Variants in STK3 observed in about 807,000 individuals in gnomAD.
The protein encoded by STK3 is serine/threonine kinase 3.
In STK3, 41 loss-of-function variants were observed where a neutral mutation model predicts 58.0. The ratio of observed to expected loss-of-function variants is 0.71; its 90% CI spans 0.55 to 0.92. STK3 has a LOEUF of 0.92. Ranked by LOEUF, STK3 falls within the 40% of genes least tolerant of loss-of-function variation. The pLI is 0.00. For missense variants in STK3, 479 were observed against 602.7 expected (o/e 0.79, Z 2.15); for synonymous variants, 170 against 191.0 (o/e 0.89, Z 0.91).
At chr8:98,805,561 CA>C (rs1187237858) in intron 1 of STK3, among the ~76,000 whole-genome samples, 1 of 151,470 alleles carries the variant, frequency 6.6e-6, no homozygotes, top group Non-Finnish European at 1.5e-5. Context: ...GCGACAAGAG[CA>C]AAACTCCATC....
chr8:98,587,991 T>G (rs1397940685), intron 7 of STK3, among the ~76,000 whole-genome samples: 1 of 152,210 alleles, frequency 6.6e-6, no homozygotes, highest in Non-Finnish European at 1.5e-5. Context: ...CCTATGTGTG[T>G]CTCTGCACGT....
At chr8:98,886,828 T>C (rs1838008271) in intron 1 of STK3, among the ~76,000 whole-genome samples, 1 of 152,202 alleles carries the variant, frequency 6.6e-6, no homozygotes, top group Non-Finnish European at 1.5e-5. Context: ...CCAGGCACGG[T>C]GGCTCATGTC....
chr8:98,588,235 G>T (rs377747762), intron 7 of STK3, among the ~76,000 whole-genome samples: 3 of 152,022 alleles, frequency 2.0e-5, no homozygotes, highest in African/African-American at 7.3e-5. Context: ...AGCGGCTGGT[G>T]CCGGTTGTTC....
chr8:98,492,726 A>C (rs1321038762), intron 10 of STK3, among the ~76,000 whole-genome samples: 1 of 152,108 alleles, frequency 6.6e-6, no homozygotes, highest in Admixed American at 6.5e-5. Flanking sequence ...GGGAGTAATT[A>C]TCAGGTGTCA....
intron 9 of STK3, among the ~76,000 whole-genome samples, chr8:98,539,335 G>C (rs911480711): frequency 2.6e-5 from 4 of 152,158 alleles, no homozygotes; most frequent in African/African-American, 9.7e-5. Flanking sequence ...ATATTACTAA[G>C]CAAAGAATAC....
intron 1 of STK3, among the ~76,000 whole-genome samples, chr8:98,929,044 T>A (rs1490193729): frequency 2.0e-5 from 3 of 152,074 alleles, no homozygotes; most frequent in African/African-American, 4.8e-5. Context: ...GGCGGGTGGA[T>A]CACCTGAGGT....
At chr8:98,637,146 A>G (rs934188512) in intron 6 of STK3, among the ~76,000 whole-genome samples, 17 of 152,060 alleles carry the variant, frequency 1.1e-4, no homozygotes, top group Admixed American at 8.5e-4. Flanking sequence ...AAAAATGCCT[A>G]AAAGTCCAAA....
chr8:98,736,359 A>G (rs987612850), intron 4 of STK3, among the ~76,000 whole-genome samples: 36 of 152,172 alleles, frequency 2.4e-4, no homozygotes, highest in Non-Finnish European at 8.8e-5. Context: ...CATACATATA[A>G]TCACCAAAAT....
chr8:98,404,721 C>A (rs1817977097), intron 3 of STK3, among the ~76,000 whole-genome samples: 1 of 147,336 alleles, frequency 6.8e-6, no homozygotes, highest in Non-Finnish European at 1.5e-5. Flanking sequence ...TATGGTGGTG[C>A]ATGCCTGTAG....
intron 4 of STK3, among the ~76,000 whole-genome samples, chr8:98,718,478 G>A (rs777785087): frequency 2.0e-5 from 3 of 152,070 alleles, no homozygotes; most frequent in East Asian, 1.9e-4. Context: ...ACTTGACAGC[G>A]CAGAGAAAGC....
At chr8:98,594,278 C>T (rs537181297) in intron 7 of STK3, among the ~76,000 whole-genome samples, 18 of 152,112 alleles carry the variant, frequency 1.2e-4, no homozygotes, top group African/African-American at 3.9e-4. Context: ...TGCACTCCAG[C>T]GGGGGCAATA....
At chr8:98,819,130 C>T (rs1034967179) in intron 1 of STK3, among the ~76,000 whole-genome samples, 12 of 152,006 alleles carry the variant, frequency 7.9e-5, no homozygotes, top group Non-Finnish European at 1.5e-5. Flanking sequence ...GCCCAATGAA[C>T]GTTTTTGAGA....
At chr8:98,682,899 A>T (rs1253409684) in intron 6 of STK3, among the ~76,000 whole-genome samples, 1 of 152,016 alleles carries the variant, frequency 6.6e-6, no homozygotes, top group African/African-American at 2.4e-5. Context: ...CTAGCTATTT[A>T]TGTCTCCTAA....
downstream of STK3, among the ~76,000 whole-genome samples, chr8:98,368,088 G>T (rs1337140978): frequency 6.6e-6 from 1 of 152,160 alleles, no homozygotes; most frequent in Non-Finnish European, 1.5e-5. Flanking sequence ...ACAGCAGTGG[G>T]GAGGACAGCA....
intron 1 of STK3, among the ~76,000 whole-genome samples, chr8:98,790,245 T>A (rs111748484): frequency 0.018 from 2,697 of 152,026 alleles, 74 homozygotes; most frequent in African/African-American, 0.062. Flanking sequence ...CAGACCAATA[T>A]CCCTGATTAA....
intron 1 of STK3, among the ~76,000 whole-genome samples, chr8:98,784,690 C>T (rs967090906): frequency 2.6e-5 from 4 of 152,156 alleles, no homozygotes; most frequent in Non-Finnish European, 5.9e-5. Flanking sequence ...TTGCCTTACC[C>T]TTCCTGTGTG....
chr8:98,627,105 G>A (rs1019189280), intron 6 of STK3, among the ~76,000 whole-genome samples: 1 of 152,162 alleles, frequency 6.6e-6, no homozygotes. Flanking sequence ...TAGGCCAGGC[G>A]CAGTGGCTCA....
At chr8:98,816,438 G>A (rs1173421621) in intron 1 of STK3, among the ~76,000 whole-genome samples, 1 of 152,128 alleles carries the variant, frequency 6.6e-6, no homozygotes, top group South Asian at 2.1e-4. Flanking sequence ...TTGAGCCCAG[G>A]AGGGTCAGGC....
chr8:98,917,668 C>T (rs960826467), intron 1 of STK3, among the ~76,000 whole-genome samples: 2 of 152,118 alleles, frequency 1.3e-5, no homozygotes, highest in South Asian at 2.1e-4. Flanking sequence ...CCTCTAGAAC[C>T]GTGAGAAAAT....
Sources: allele counts gnomAD v4.1 joint callset (sites outside exome capture counted in the v4.1 genomes callset), GRCh38; gene constraint gnomAD v4.1.1; transcripts MANE v1.5; gene names NCBI Gene and HGNC (gene_info 2026-07-23, HGNC 2026-07-21).